The following ATF7IP2 variants were observed in gnomAD, a reference collection of about 807,000 sequenced individuals.
ATF7IP2 encodes activating transcription factor 7-interacting protein 2.
Under a neutral mutation model 64.2 loss-of-function variants are expected in ATF7IP2, and 42 were observed. The ratio of observed to expected loss-of-function variants is 0.65; its 90% confidence interval spans 0.51 to 0.85. The LOEUF is 0.85. Ranked by LOEUF, ATF7IP2 falls within the 40% of genes least tolerant of loss-of-function variation. The probability of loss-of-function intolerance (pLI) is 0.00; values close to 1 mark genes in which losing one functional copy is unlikely to be tolerated. For synonymous variants in ATF7IP2, 308 were observed against 272.8 expected (o/e 1.13, Z -1.27); for missense variants, 933 against 784.2 (o/e 1.19, Z -2.27).
intron 1 of ATF7IP2, among the ~76,000 whole-genome samples, chr16:10,412,413 A>G (rs1423236029): frequency 6.6e-6 from 1 of 152,052 alleles, no homozygotes; most frequent in Non-Finnish European, 1.5e-5. Flanking sequence ...TTTAATTTCC[A>G]TCTTGATTTC....
intron 9 of ATF7IP2, among the ~76,000 whole-genome samples, chr16:10,469,557 C>A (rs1304468481): frequency 6.6e-6 from 1 of 152,078 alleles, no homozygotes; most frequent in Non-Finnish European, 1.5e-5. Context: ...ACAAAAGACA[C>A]ATCACATAGA....
intron 9 of ATF7IP2, among the ~76,000 whole-genome samples, chr16:10,471,580 A>G (rs1416322956): frequency 6.6e-6 from 1 of 152,136 alleles, no homozygotes. Context: ...GGCTTGAAAT[A>G]TTCTATAACC....
chr16:10,457,540 C>G lies in ATF7IP2; in HGVS notation c.1352+11C>G, dbSNP rs1014385024. 4 of 1,532,898 alleles carry G rather than the reference C, an allele frequency of 2.6e-6. No homozygotes were observed. Among genetic ancestry groups the G allele is most frequent in the African/African-American group, 1.4e-5 (1 of 71,132 alleles). The allele number at this position is 1,532,898 out of a possible 1,614,324, so 95.0% of individuals were successfully genotyped here. On this transcript the variant is annotated intron_variant, in intron 9 of 13. Transcript: ENST00000562102. ...GTCTGTTTCTGAAAGGTAGGTGTTT[C>G]TGCAAAAATGCATAAATTTATCTAA... is the stretch of plus-strand genomic sequence containing the variant.
At chr16:10,438,623 G>C (rs1367599830) in intron 7 of ATF7IP2, among the ~76,000 whole-genome samples, 4 of 152,144 alleles carry the variant, frequency 2.6e-5, no homozygotes, top group African/African-American at 9.7e-5. Flanking sequence ...AATAAGGGAA[G>C]ACATACCTGA....
chr16:10,430,582 G>T, intron 4 of ATF7IP2, 29 bp from the exon 5 acceptor site: 1 of 1,394,532 alleles, frequency 7.2e-7, no homozygotes, highest in Non-Finnish European at 9.9e-7. Flanking sequence ...CTAGAGAAAT[G>T]CATTTAAATA....
intron 6 of ATF7IP2, among the ~76,000 whole-genome samples, chr16:10,436,298 A>G (rs562704796): frequency 1.3e-5 from 2 of 152,152 alleles, no homozygotes; most frequent in Non-Finnish European, 2.9e-5. Flanking sequence ...GTGGGTGAAG[A>G]TTGCAGTGAG....
intron 8 of ATF7IP2, among the ~76,000 whole-genome samples, chr16:10,445,037 G>T (rs183670942): frequency 6.6e-6 from 1 of 152,112 alleles, no homozygotes; most frequent in Non-Finnish European, 1.5e-5. Flanking sequence ...ACGTCTTCCC[G>T]CAAGTGGTGA....
intron 4 of ATF7IP2, among the ~76,000 whole-genome samples, chr16:10,430,070 T>C (rs1312830443): frequency 6.6e-6 from 1 of 151,782 alleles, no homozygotes; most frequent in Non-Finnish European, 1.5e-5. Context: ...ACCAAGCTGG[T>C]CTCGAACCCC....
chr16:10,410,595 CTT>C (rs2047739775), intron 1 of ATF7IP2, among the ~76,000 whole-genome samples: 1 of 152,160 alleles, frequency 6.6e-6, no homozygotes, highest in South Asian at 2.1e-4. Context: ...TTGACTTCCT[CTT>C]TATCGATTTG....
intron 3 of ATF7IP2, among the ~76,000 whole-genome samples, chr16:10,426,590 A>G (rs1222474606): frequency 1.3e-5 from 2 of 152,310 alleles, no homozygotes; most frequent in African/African-American, 2.4e-5. Context: ...ATATATTGTA[A>G]TAATTGCACA....
At chr16:10,438,274 A>AG (rs2048488649) in intron 7 of ATF7IP2, 39 bp downstream of exon 7, 1 of 1,574,330 alleles carries the variant, frequency 6.4e-7, no homozygotes, top group African/African-American at 1.4e-5. Flanking sequence ...TTAGGGGAGT[A>AG]GGGGGTGTTG....
chr16:10,389,525 A>T (rs1038263856), intron 1 of ATF7IP2, among the ~76,000 whole-genome samples: 2 of 152,192 alleles, frequency 1.3e-5, no homozygotes, highest in Admixed American at 6.5e-5. Flanking sequence ...CTACCATCCA[A>T]TTAAAATGTT....
intron 8 of ATF7IP2, among the ~76,000 whole-genome samples, chr16:10,451,254 C>G (rs1051311944): frequency 6.6e-6 from 1 of 152,110 alleles, no homozygotes; most frequent in Non-Finnish European, 1.5e-5. Flanking sequence ...AACATTTTTT[C>G]TTTCATTTCA....
chr16:10,456,212 A>G (rs2049161280), intron 8 of ATF7IP2, among the ~76,000 whole-genome samples: 1 of 152,156 alleles, frequency 6.6e-6, no homozygotes. Context: ...AAAGAGAAAA[A>G]TTGAAGAAGA....
intron 5 of ATF7IP2, among the ~76,000 whole-genome samples, chr16:10,433,232 G>A (rs2048315021): frequency 6.6e-6 from 1 of 152,016 alleles, no homozygotes; most frequent in African/African-American, 2.4e-5. Context: ...AGGCTAGAGT[G>A]CAGTAGTCAA....
At chr16:10,479,958 C>CTTTTTTTTTTTTTTTTTT (rs201158427) in intron 12 of ATF7IP2, among the ~76,000 whole-genome samples, 2 of 80,568 alleles carry the variant, frequency 2.5e-5, no homozygotes, top group Non-Finnish European at 2.4e-5. Context: ...ACTGGAAATA[C>CTTTTTTTTTTTTTTTTTT]TTTTTTTTTT....
At chr16:10,415,332 G>A (rs894546779) in intron 2 of ATF7IP2, among the ~76,000 whole-genome samples, 9 of 152,152 alleles carry the variant, frequency 5.9e-5, no homozygotes, top group African/African-American at 1.9e-4. Context: ...TACCTACAGC[G>A]GGTGAACTCA....
In ATF7IP2 at chr16:10,415,950, T is replaced by C. The variant is rs776424125; in HGVS notation, c.-203+1338T>C. 2.0e-5 allele frequency among the ~76,000 whole-genome samples: 3 copies of C among 152,208 alleles called. No individual in the cohort carries two copies. The East Asian group carries it at 5.8e-4, about 29-fold the overall frequency. On this transcript the variant is annotated intron_variant, in intron 2 of 13. Coordinates refer to ENST00000562102, the MANE Select transcript of ATF7IP2 (RefSeq NM_001393719.1). Reference sequence around the variant, plus strand: ...GCTCTTATTCAAAAGACAGGTAATATGAAATGCAGGTGAGGATGTGTAGAA... The same window carrying C: ...GCTCTTATTCAAAAGACAGGTAATACGAAATGCAGGTGAGGATGTGTAGAA...
chr16:10,396,587 A>G (rs1169945111), intron 1 of ATF7IP2, among the ~76,000 whole-genome samples: 2 of 151,886 alleles, frequency 1.3e-5, no homozygotes, highest in African/African-American at 4.8e-5. Context: ...CAGTGGCATG[A>G]TCTTTGCTCA....
Sources: allele counts gnomAD v4.1 joint callset (sites outside exome capture counted in the v4.1 genomes callset), GRCh38; gene constraint gnomAD v4.1.1; transcripts MANE v1.5; gene names NCBI Gene and HGNC (gene_info 2026-07-23, HGNC 2026-07-21).